Variants in ATOSA observed in about 807,000 individuals in gnomAD.
The protein encoded by ATOSA is atos homolog A, also known as atos homolog protein A.
At chr15:52,685,616 T>C in the ATOSA span, among the ~76,000 whole-genome samples, 1 of 152,122 alleles carries the variant, frequency 6.6e-6, no homozygotes, top group African/African-American at 2.4e-5. Context: ...ATGTATTTTG[T>C]TGAGAAGGAG....
At chr15:52,601,549 A>T in the ATOSA span, among the ~76,000 whole-genome samples, 1 of 151,690 alleles carries the variant, frequency 6.6e-6, no homozygotes, top group Non-Finnish European at 1.5e-5. Flanking sequence ...AAAAAAAGAA[A>T]ACCGAATAGA....
the ATOSA span, among the ~76,000 whole-genome samples, chr15:52,672,211 T>C: frequency 2.5e-5 from 3 of 121,972 alleles, no homozygotes; most frequent in African/African-American, 6.5e-5. Context: ...TAGCCAGGCA[T>C]AGTGGCGTGC....
At chr15:52,654,536 A>G in the ATOSA span, among the ~76,000 whole-genome samples, 1 of 152,194 alleles carries the variant, frequency 6.6e-6, no homozygotes, top group African/African-American at 2.4e-5. Context: ...CCAGATTCTC[A>G]GTTCTCAATC....
the ATOSA span, among the ~76,000 whole-genome samples, chr15:52,641,704 AT>A: frequency 1.3e-5 from 2 of 152,256 alleles, no homozygotes; most frequent in Non-Finnish European, 2.9e-5. Context: ...ATGGAAAATT[AT>A]AATTGTAAAT....
the ATOSA span, chr15:52,586,944 A>G: frequency 1.0e-6 from 1 of 957,008 alleles, no homozygotes. Context: ...TTTCTTAAGT[A>G]TTCACCTTGA....
chr15:52,694,982 T>C, the ATOSA span, among the ~76,000 whole-genome samples: 1 of 151,168 alleles, frequency 6.6e-6, no homozygotes, highest in African/African-American at 2.4e-5. Context: ...TGGAGTGTAG[T>C]GGTGTGATCC....
At chr15:52,652,236 G>C in the ATOSA span, among the ~76,000 whole-genome samples, 2 of 152,202 alleles carry the variant, frequency 1.3e-5, no homozygotes, top group African/African-American at 2.4e-5. Flanking sequence ...GGAAAGAACA[G>C]TAGACTGATA....
At chr15:52,605,133 A>G in the ATOSA span, 1 of 1,600,694 alleles carries the variant, frequency 6.2e-7, no homozygotes, top group Admixed American at 1.8e-5. Flanking sequence ...AAATGCTTAC[A>G]GGGCTTGAAA....
At chr15:52,703,009 G>A in the ATOSA span, among the ~76,000 whole-genome samples, 1 of 152,052 alleles carries the variant, frequency 6.6e-6, no homozygotes. Flanking sequence ...CAGCCTAAAT[G>A]TCAATTATCA....
At chr15:52,675,213 T>C in the ATOSA span, among the ~76,000 whole-genome samples, 1 of 152,226 alleles carries the variant, frequency 6.6e-6, no homozygotes, top group Non-Finnish European at 1.5e-5. Flanking sequence ...TCGACTATTG[T>C]GAAATCTATC....
At chr15:52,704,110 A>T in the ATOSA span, among the ~76,000 whole-genome samples, 3 of 152,072 alleles carry the variant, frequency 2.0e-5, no homozygotes, top group Non-Finnish European at 4.4e-5. Flanking sequence ...AAAATAAAGA[A>T]ATTGGTTACC....
At chr15:52,601,171 G>T in the ATOSA span, 2 of 1,515,864 alleles carry the variant, frequency 1.3e-6, no homozygotes, top group East Asian at 5.0e-5. Context: ...GGAACCTAAG[G>T]TCAAAACGAT....
At chr15:52,667,222 TA>T in the ATOSA span, among the ~76,000 whole-genome samples, 14 of 152,342 alleles carry the variant, frequency 9.2e-5, no homozygotes, top group African/African-American at 3.4e-4. Flanking sequence ...CCTAAATACT[TA>T]AAAGCTAGAG....
chr15:52,600,971 CTAAA>C, the ATOSA span: 9 of 714,880 alleles, frequency 1.3e-5, no homozygotes, highest in Non-Finnish European at 1.9e-5. Flanking sequence ...GTATCATACT[CTAAA>C]TAAGATTCCT....
At chr15:52,607,840 A>G in the ATOSA span, among the ~76,000 whole-genome samples, 1 of 152,194 alleles carries the variant, frequency 6.6e-6, no homozygotes, top group African/African-American at 2.4e-5. Flanking sequence ...CAAATCAAAT[A>G]TTAAAAAGCT....
chr15:52,676,792 T>C, the ATOSA span, among the ~76,000 whole-genome samples: 4 of 152,224 alleles, frequency 2.6e-5, no homozygotes, highest in African/African-American at 4.8e-5. Context: ...TTCACAACAA[T>C]TCAAAATAAA....
chr15:52,699,117 C>T, the ATOSA span, among the ~76,000 whole-genome samples: 2 of 152,268 alleles, frequency 1.3e-5, no homozygotes, highest in South Asian at 2.1e-4. Context: ...GCCCCAGCCT[C>T]GGACAAGTAA....
At chr15:52,606,636 T>C in the ATOSA span, among the ~76,000 whole-genome samples, 2 of 152,152 alleles carry the variant, frequency 1.3e-5, no homozygotes. Context: ...CACGGCCAGA[T>C]TTAAGCCTCC....
At chr15:52,618,585 C>T in the ATOSA span, among the ~76,000 whole-genome samples, 127 of 152,318 alleles carry the variant, frequency 8.3e-4, no homozygotes, top group Middle Eastern at 0.01. Flanking sequence ...AACTGTAATA[C>T]ATCTACAAAG....
Sources: gnomAD v4.1 joint callset for allele counts (sites outside exome capture counted in the v4.1 genomes callset) on GRCh38, gnomAD v4.1.1 for gene constraint, MANE v1.5 for transcripts, NCBI Gene and HGNC (gene_info 2026-07-23, HGNC 2026-07-21) for gene names.